SIPA1L2: variants seen among roughly 807,000 people sequenced by gnomAD.
The protein encoded by SIPA1L2 is signal induced proliferation associated 1 like 2.
Under a neutral mutation model 163.9 loss-of-function variants are expected in SIPA1L2, and 56 were observed. That is an observed-to-expected ratio of 0.34 (90% CI 0.28 to 0.43). The LOEUF is 0.43. Among genes scored for constraint, SIPA1L2 ranks in the 20% least tolerant of loss-of-function variants. SIPA1L2 has a pLI of 1.00. For missense variants in SIPA1L2, 1,974 were observed against 2,193.5 expected (o/e 0.90, Z 2.00); for synonymous variants, 877 against 865.7 (o/e 1.01, Z -0.23).
chr1:232,624,591 T>G (rs1396030241), intron 1 of SIPA1L2, among the ~76,000 whole-genome samples: 2 of 152,220 alleles, frequency 1.3e-5, no homozygotes. Context: ...CACTGGCTCT[T>G]TACCTAGATA....
In SIPA1L2 at chr1:232,425,638, G is replaced by A; in HGVS notation, c.4581C>T (p.Ser1527=). The change falls in exon 18 of 23, where the codon AGC becomes AGT. Residue 1527 remains serine (S), a synonymous_variant. Coordinates refer to ENST00000674635, the MANE Select transcript of SIPA1L2 (RefSeq NM_020808.5). ...CGGGGTGGGCCCGCGGAGGCAGCGTGCTGTGGTAGGGTGGGGTGGTGCTGA... is the reference window on the plus strand; with the variant it reads ...CGGGGTGGGCCCGCGGAGGCAGCGTACTGTGGTAGGGTGGGGTGGTGCTGA... ...ILFSTTPPYH[S]TLPPRAHPAP... is the part of the protein sequence containing the mutation. 6.2e-7 allele frequency: 1 copy of A among 1,612,304 alleles called. No homozygotes were observed. The highest frequency in any genetic ancestry group is 8.5e-7 in the Non-Finnish European group (1 of 1,179,420).
intron 16 of SIPA1L2, 64 bp downstream of exon 16, chr1:232,432,183 C>T (rs1457186521): frequency 2.3e-6 from 3 of 1,309,872 alleles, no homozygotes; most frequent in Non-Finnish European, 2.1e-6. Flanking sequence ...GAGGAAAATA[C>T]ATTTGCTTAG....
rs566106295 is a variant in SIPA1L2, at chr1:232,408,382, T to A, written c.4763-4204A>T. Among the ~76,000 whole-genome samples, 4 of 152,294 alleles carry A rather than the reference T, an allele frequency of 2.6e-5. No homozygotes were observed. The East Asian group carries it at 7.7e-4, about 29-fold the overall frequency. ...CAATATTTTTCTATTGGAAGCTTTT[T>A]AATTCTTTTTAATAACTTTCTGTCA... On this transcript the variant is annotated intron_variant, in intron 19 of 22. Transcript: ENST00000674635.
At chr1:232,469,025 C>G (rs943231699) in intron 8 of SIPA1L2, among the ~76,000 whole-genome samples, 1 of 152,170 alleles carries the variant, frequency 6.6e-6, no homozygotes, top group Admixed American at 6.5e-5. Context: ...TGGGGGAGGC[C>G]TGACTCCCTC....
chr1:232,474,136 C>G (rs1664922765), intron 7 of SIPA1L2, among the ~76,000 whole-genome samples: 1 of 152,108 alleles, frequency 6.6e-6, no homozygotes, highest in African/African-American at 2.4e-5. Context: ...CCTGACGGTA[C>G]TATTTGTTTG....
chr1:232,572,228 C>G (rs1164623221), intron 2 of SIPA1L2, among the ~76,000 whole-genome samples: 1 of 152,138 alleles, frequency 6.6e-6, no homozygotes, highest in Non-Finnish European at 1.5e-5. Flanking sequence ...AGCTGGCCAG[C>G]AGGCTAGTAA....
chr1:232,462,997 C>T (rs1386932242), intron 9 of SIPA1L2, among the ~76,000 whole-genome samples: 3 of 152,186 alleles, frequency 2.0e-5, no homozygotes, highest in Admixed American at 6.5e-5. Context: ...AATTATCACA[C>T]GAAAATTGTA....
chr1:232,444,463 T>G (rs1663087138), intron 11 of SIPA1L2, among the ~76,000 whole-genome samples: 1 of 152,158 alleles, frequency 6.6e-6, no homozygotes, highest in Non-Finnish European at 1.5e-5. Flanking sequence ...GACTTTTGAG[T>G]TGGGAGACCC....
chr1:232,448,099 A>G (rs1289030514), intron 10 of SIPA1L2, among the ~76,000 whole-genome samples: 2 of 152,192 alleles, frequency 1.3e-5, no homozygotes, highest in East Asian at 1.9e-4. Flanking sequence ...CAGGCTAGAC[A>G]GCTTTCCCAT....
Position 232,426,544 on chromosome 1 carries a change from C to CA in SIPA1L2, c.4411-737dup, listed in dbSNP as rs1279378742. On this transcript the variant is annotated intron_variant, in intron 17 of 22. Coordinates refer to ENST00000674635, the MANE Select transcript of SIPA1L2 (RefSeq NM_020808.5). ...GCATGGTGATGCACGCCTGTAGTCC[C>CA]AGCCACTAGGGAGGCTGAGGCAGGA... 2.6e-5 allele frequency among the ~76,000 whole-genome samples: 4 copies of CA among 152,156 alleles called. No individual in the cohort carries two copies. The East Asian group carries it at 7.7e-4, about 29-fold the overall frequency.
chr1:232,402,737 T>C lies in SIPA1L2; in HGVS notation c.4941-264A>G. 2 of 267,178 alleles carry C rather than the reference T, an allele frequency of 7.5e-6. 1 individual carries two copies. Among genetic ancestry groups the C allele is most frequent in the South Asian group, 1.1e-4 (2 of 18,270 alleles). 16.6% of individuals were successfully genotyped at this position (267,178 alleles called of 1,614,324 possible). A position where few individuals can be genotyped will look rare whatever the true frequency, so the allele number is the denominator to read the frequency against. On this transcript the variant is annotated intron_variant, in intron 21 of 22. Coordinates refer to ENST00000674635, the MANE Select transcript of SIPA1L2 (RefSeq NM_020808.5). ...AAAAGATATATTATTTAAGTTGGTT[T>C]ATCCAATGGAGACAAGGAAGACCCA...
intron 1 of SIPA1L2, among the ~76,000 whole-genome samples, chr1:232,580,756 G>A (rs953737110): frequency 2.0e-5 from 3 of 152,178 alleles, no homozygotes; most frequent in Admixed American, 6.5e-5. Context: ...AAGCCTGGCT[G>A]TATTAATGCA....
rs1188613600 is a variant in SIPA1L2, at chr1:232,422,048, CT to C, written c.4630+3540del. 2.0e-5 allele frequency among the ~76,000 whole-genome samples: 3 copies of C among 152,270 alleles called. No homozygotes were observed. In the East Asian group the frequency reaches 5.8e-4, roughly 29 times the overall value. ...GCCAAGGAATAAAAGGAAAATATGA[CT>C]GCTTTTCAGTGTCACTGGTTATGTG... On this transcript the variant is annotated intron_variant, in intron 18 of 22. Coordinates refer to ENST00000674635, the MANE Select transcript of SIPA1L2 (RefSeq NM_020808.5).
chr1:232,618,192 C>A (rs1335569041), intron 1 of SIPA1L2, among the ~76,000 whole-genome samples: 19 of 152,194 alleles, frequency 1.2e-4, no homozygotes, highest in Admixed American at 1.2e-3. Context: ...GAACGCAAAT[C>A]TTACCCAGCA....
intron 2 of SIPA1L2, among the ~76,000 whole-genome samples, chr1:232,567,438 T>C (rs1015496890): frequency 2.6e-5 from 4 of 152,166 alleles, no homozygotes; most frequent in African/African-American, 4.8e-5. Context: ...TCAAGATATA[T>C]AATAAATTAT....
chr1:232,560,696 C>T (rs1658982888), intron 2 of SIPA1L2, among the ~76,000 whole-genome samples: 1 of 136,972 alleles, frequency 7.3e-6, no homozygotes, highest in Admixed American at 7.1e-5. Flanking sequence ...AGCCCCAAAG[C>T]CCTGGGCCAT....
intron 5 of SIPA1L2, among the ~76,000 whole-genome samples, chr1:232,486,426 T>G (rs535417472): frequency 6.6e-6 from 1 of 152,268 alleles, no homozygotes; most frequent in East Asian, 1.9e-4. Flanking sequence ...TAGAACAGGA[T>G]TTGCATTTCC....
intron 19 of SIPA1L2, among the ~76,000 whole-genome samples, chr1:232,409,190 C>CTA (rs1397119758): frequency 1.3e-5 from 2 of 152,166 alleles, no homozygotes; most frequent in Non-Finnish European, 2.9e-5. Context: ...AGTTTTTCAA[C>CTA]TATTTTTCTT....
chr1:232,614,740 C>T (rs751505321), intron 1 of SIPA1L2, among the ~76,000 whole-genome samples: 2 of 152,198 alleles, frequency 1.3e-5, no homozygotes, highest in Non-Finnish European at 2.9e-5. Flanking sequence ...TATCAAAATG[C>T]CATGATGCTC....
Sources: gnomAD v4.1 joint callset for allele counts (sites outside exome capture counted in the v4.1 genomes callset) on GRCh38, gnomAD v4.1.1 for gene constraint, MANE v1.5 for transcripts, NCBI Gene and HGNC (gene_info 2026-07-23, HGNC 2026-07-21) for gene names.